DIPK1B: variants seen among roughly 807,000 people sequenced by gnomAD.
DIPK1B encodes the protein divergent protein kinase domain 1B.
DIPK1B carries 17 observed loss-of-function variants against 20.7 expected under a neutral mutation model. The ratio of observed to expected loss-of-function variants is 0.82; its 90% CI spans 0.56 to 1.23. The LOEUF is 1.23. Among genes scored for constraint, DIPK1B ranks in the 50% most tolerant of loss-of-function variants. The pLI, the probability that DIPK1B is intolerant of heterozygous loss-of-function variation, is 0.00. For synonymous variants in DIPK1B, 343 were observed against 276.5 expected (o/e 1.24, Z -2.39); for missense variants, 648 against 601.8 (o/e 1.08, Z -0.80).
rs370159211 is a variant in DIPK1B, at chr9:136,717,726, T to G, written c.198+15T>G. 3 of 1,610,346 alleles carry G rather than the reference T, an allele frequency of 1.9e-6. No individual in the cohort carries two copies. The African/African-American group carries it at 4.0e-5, about 22-fold the overall frequency. ...AGGTGGTCATTGTAAGTGTTGCTTGTGCGGGCTGGGGACTGGGCCGTGCCC... is the reference window on the plus strand; with the variant it reads ...AGGTGGTCATTGTAAGTGTTGCTTGGGCGGGCTGGGGACTGGGCCGTGCCC... On this transcript the variant is annotated intron_variant, in intron 2 of 4. Transcript: ENST00000371692.
Position 136,722,299 on chromosome 9 carries a change from A to T in DIPK1B, c.481A>T (p.Lys161Ter). The T allele has an allele frequency of 1.2e-6, 2 of 1,611,440 alleles. No individual in the cohort carries two copies. The highest frequency in any genetic ancestry group is 1.7e-6 in the Non-Finnish European group (2 of 1,178,888). The change falls in exon 4 of 5, where the codon AAG becomes TAG. Residue 161 changes from lysine to a stop codon, truncating the protein, a stop_gained and splice_region_variant. Transcript: ENST00000371692. LOFTEE classifies it low-confidence loss of function (END_TRUNC). ...CCGGGAGATGACCCTCAGCTTCCTC[A>T]AGGTCAGGCAGCTCTCCTAGGGGGC... ...EFREMTLSFL[K>*]ANLGDLPSLP...
intron 2 of DIPK1B, 179 bp from the exon 3 acceptor site, chr9:136,721,742 G>C: frequency 1.6e-6 from 1 of 610,276 alleles, no homozygotes; most frequent in Non-Finnish European, 2.9e-6. Context: ...GCAGCCGACA[G>C]CCCCATCCTG....
Position 136,723,019 on chromosome 9 carries a change from G to A in DIPK1B, c.541G>A (p.Ala181Thr). Residue 181 changes from alanine to threonine, a missense_variant, in exon 5 of 5, where the codon GCT becomes ACT. Physicochemically the swap from Ala to Thr is moderately conservative, Grantham distance 58. Coordinates refer to ENST00000371692, the MANE Select transcript of DIPK1B (RefSeq NM_152421.4). ...GCTGGTTGGCCAGGTCCTGCTCATG[G>A]CTGACTTCAACAAGGACAACCGGGT... ...PALVGQVLLM[A>T]DFNKDNRVSL... 1 of 1,613,354 alleles carries A rather than the reference G, an allele frequency of 6.2e-7. No individual in the cohort carries two copies. The highest frequency in any genetic ancestry group is 8.5e-7 in the Non-Finnish European group (1 of 1,179,968).
chr9:136,719,791 G>C (rs559111757), intron 2 of DIPK1B, among the ~76,000 whole-genome samples: 1 of 152,356 alleles, frequency 6.6e-6, no homozygotes, highest in African/African-American at 2.4e-5. Context: ...TGGCCCACAG[G>C]CTCCTTCCCC....
intron 4 of DIPK1B, 137 bp from the exon 5 acceptor site, chr9:136,722,824 TG>T: frequency 1.2e-6 from 1 of 827,694 alleles, no homozygotes; most frequent in Non-Finnish European, 1.8e-6. Context: ...CGTGTAGCTG[TG>T]GGCTGGGACC....
In DIPK1B at chr9:136,723,369, G is replaced by C; in HGVS notation, c.891G>C (p.Glu297Asp). Reference protein sequence around the residue: ...HGSYGTFYMCETTLANVGYTA... With the variant: ...HGSYGTFYMCDTTLANVGYTA... ...CTTACGGGACTTTCTACATGTGTGA[G>C]ACCACACTGGCCAACGTGGGCTACA... is the stretch of plus-strand genomic sequence containing the variant. Residue 297 changes from glutamate to aspartate, a missense_variant, in exon 5 of 5, where the codon GAG becomes GAC. Glu to Asp is a conservative substitution (Grantham distance 45). Coordinates refer to ENST00000371692, the MANE Select transcript of DIPK1B (RefSeq NM_152421.4). 1 of 1,613,368 alleles carries C rather than the reference G, an allele frequency of 6.2e-7. No homozygotes were observed. The highest frequency in any genetic ancestry group is 1.7e-5 in the Admixed American group (1 of 60,026).
In DIPK1B at chr9:136,712,991, C is replaced by A. The variant is rs2131038163; in HGVS notation, c.63+263C>A. ...CCCCGACCTGCAGGCGGTCCCTGCC[C>A]CCCAGGCCCAGAAACCACACCGAAG... is the stretch of plus-strand genomic sequence containing the variant. On this transcript the variant is annotated intron_variant, in intron 1 of 4. Coordinates refer to ENST00000371692, the MANE Select transcript of DIPK1B (RefSeq NM_152421.4). This position sits in a 1 kb window ranked among gnomAD's most constrained non-coding sequence, Gnocchi z 5.6. Among the ~76,000 whole-genome samples the A allele has an allele frequency of 6.6e-6, 1 of 152,314 alleles. No individual in the cohort carries two copies. The highest frequency in any genetic ancestry group is 2.4e-5 in the African/African-American group (1 of 41,586).
chr9:136,722,970 G>C lies in DIPK1B; in HGVS notation c.492G>C (p.Leu164=). The C allele has an allele frequency of 6.2e-7, 1 of 1,604,298 alleles. No individual in the cohort carries two copies. The highest frequency in any genetic ancestry group is 2.2e-5 in the East Asian group (1 of 44,602). ...EMTLSFLKAN[L]GDLPSLPALV... ...TTGGTCCCAAACGCCAGGCGAACCT[G>C]GGAGACCTGCCTTCCCTGCCGGCGC... Residue 164 remains leucine (L), a synonymous_variant, in exon 5 of 5, where the codon CTG becomes CTC. Coordinates refer to ENST00000371692, the MANE Select transcript of DIPK1B (RefSeq NM_152421.4).
chr9:136,720,470 TC>T (rs34679175), intron 2 of DIPK1B, among the ~76,000 whole-genome samples: 63 of 150,570 alleles, frequency 4.2e-4, no homozygotes, highest in Admixed American at 1.8e-3. Flanking sequence ...CCAGGAATTC[TC>T]CCCCCCCCAG....
Position 136,721,922 on chromosome 9 carries a change from G to A in DIPK1B, c.200G>A (p.Cys67Tyr). 1 of 1,613,144 alleles carries A rather than the reference G, an allele frequency of 6.2e-7. No individual in the cohort carries two copies. The highest frequency in any genetic ancestry group is 8.5e-7 in the Non-Finnish European group (1 of 1,179,878). Residue 67 changes from cysteine (C) to tyrosine (Y), a missense_variant and splice_region_variant, in exon 3 of 5, where the codon TGT becomes TAT. Physicochemically the swap from Cys to Tyr is radical, Grantham distance 194 (BLOSUM62 -2). Coordinates refer to ENST00000371692, the MANE Select transcript of DIPK1B (RefSeq NM_152421.4). ...GCACGCCTGCACCTGTCTCCTCAGT[G>A]TGACCAGTACCGCAAGGGGATCATC... ...CRGHVCQVVI[C>Y]DQYRKGIISG...
At position 136,722,685 on chromosome 9, in the gene DIPK1B, C is replaced by T; in HGVS notation, c.484-277C>T. 8.6e-6 allele frequency: 5 copies of T among 578,998 alleles called. No homozygotes were observed. The South Asian group carries it at 8.7e-5, about 10-fold the overall frequency. 35.9% of individuals were successfully genotyped at this position (578,998 alleles called of 1,614,324 possible). On this transcript the variant is annotated intron_variant, in intron 4 of 4. Transcript: ENST00000371692. Reference sequence around the variant, plus strand: ...CATCCTCAGGGAAGCTCTGAGGCTTCTCTGCCCAGGTGCCCACCCCCGAGC... The same window carrying T: ...CATCCTCAGGGAAGCTCTGAGGCTTTTCTGCCCAGGTGCCCACCCCCGAGC...
intron 2 of DIPK1B, 143 bp from the exon 3 acceptor site, chr9:136,721,778 C>T (rs1442980834): frequency 7.1e-6 from 5 of 704,612 alleles, no homozygotes; most frequent in East Asian, 2.7e-5. Context: ...TGACCCAGGG[C>T]CCCGGCACTG....
rs1846442416 is a variant in DIPK1B, at chr9:136,712,731, A to C, written c.63+3A>C. ...GCCCCTTCTCCAAGCGCCTGCAGGT[A>C]AGCGCGGTGCGCGCCCGCCGCCCCC... is the stretch of plus-strand genomic sequence containing the variant. On this transcript the variant is annotated splice_donor_region_variant and intron_variant, in intron 1 of 4. Transcript: ENST00000371692. The surrounding 1 kb of genome is among the most constrained non-coding windows in gnomAD (Gnocchi z 5.6). The C allele has an allele frequency of 7.4e-7, 1 of 1,346,452 alleles. No homozygotes were observed. The highest frequency in any genetic ancestry group is 9.5e-7 in the Non-Finnish European group (1 of 1,052,802). The allele number at this position is 1,346,452 out of a possible 1,614,324, so 83.4% of individuals were successfully genotyped here.
chr9:136,721,043 TGA>T (rs1331294878), intron 2 of DIPK1B: 5 of 152,292 alleles, frequency 3.3e-5, no homozygotes, highest in African/African-American at 1.2e-4. Flanking sequence ...GGATCTGTCG[TGA>T]GAGCCCCCAT....
rs1846652146 is a variant in DIPK1B, at chr9:136,723,498, C to T, written c.1020C>T (p.Cys340=). 11 of 1,607,284 alleles carry T rather than the reference C, an allele frequency of 6.8e-6. No individual in the cohort carries two copies. The highest frequency in any genetic ancestry group is 2.7e-5 in the African/African-American group (2 of 74,964). Residue 340 remains cysteine (C), a synonymous_variant, in exon 5 of 5, where the codon TGC becomes TGT. Coordinates refer to ENST00000371692, the MANE Select transcript of DIPK1B (RefSeq NM_152421.4). ...GCCGCTGCGAGCACAGCACCGACTGCACCTACGGGCGCGACTGCAGGGCCC... is the reference window on the plus strand; with the variant it reads ...GCCGCTGCGAGCACAGCACCGACTGTACCTACGGGCGCGACTGCAGGGCCC... ...QGRRCEHSTD[C]TYGRDCRAPC... is the part of the protein sequence containing the mutation.
In DIPK1B at chr9:136,723,890, C is replaced by G; in HGVS notation, c.*116C>G. 9.2e-7 allele frequency: 1 copy of G among 1,083,232 alleles called. No homozygotes were observed. The highest frequency in any genetic ancestry group is 1.3e-6 in the Non-Finnish European group (1 of 768,620). The allele number at this position is 1,083,232 out of a possible 1,614,324, so 67.1% of individuals were successfully genotyped here. ...AATGCAACTGTGTTGCAAAATCACT[C>G]CCCTACCGTCAGGGCTCTGGATTCC... On this transcript the variant is annotated 3_prime_UTR_variant, in exon 5 of 5. Transcript: ENST00000371692.
chr9:136,723,193 T>G lies in DIPK1B; in HGVS notation c.715T>G (p.Trp239Gly). 6.2e-7 allele frequency: 1 copy of G among 1,612,642 alleles called. No homozygotes were observed. Among genetic ancestry groups the G allele is most frequent in the Non-Finnish European group, 8.5e-7 (1 of 1,179,816 alleles). The change falls in exon 5 of 5, where the codon TGG (tryptophan) becomes GGG (glycine). Residue 239 changes from tryptophan to glycine, a missense_variant. By Grantham distance (184) the Trp-to-Gly change is radical. Coordinates refer to ENST00000371692, the MANE Select transcript of DIPK1B (RefSeq NM_152421.4). ...YLTEGVPHGA[W>G]HAAALPPLLR... ...CACCGAGGGCGTGCCGCATGGCGCC[T>G]GGCACGCGGCCGCCCTTCCACCCCT...
At position 136,724,569 on chromosome 9, in the gene DIPK1B, G is replaced by T. The variant is rs1467874983; in HGVS notation, c.*795G>T. 2.6e-5 allele frequency: 4 copies of T among 152,216 alleles called. No individual in the cohort carries two copies. The highest frequency in any genetic ancestry group is 9.7e-5 in the African/African-American group (4 of 41,436). The allele number at this position is 152,216 out of a possible 1,614,324, so 9.4% of individuals were successfully genotyped here. ...CTTTCTTCAGGGCGGGCTCTGCTCC[G>T]CAATGTGTGAGTCAAGACAATCCAT... On this transcript the variant is annotated 3_prime_UTR_variant, in exon 5 of 5. Transcript: ENST00000371692.
In DIPK1B at chr9:136,712,601, C is replaced by G. The variant is rs1318948298; in HGVS notation, c.-65C>G. On this transcript the variant is annotated 5_prime_UTR_variant, in exon 1 of 5. Transcript: ENST00000371692. The surrounding 1 kb of genome is among the most constrained non-coding windows in gnomAD (Gnocchi z 5.6). The stretch of plus-strand genomic sequence containing the variant: ...CGAGGGAGCGGCGGCCGCTGCGGGC[C>G]GGGCCGGGCCGGGGCTGAGGCCGAG... 1.3e-6 allele frequency: 1 copy of G among 778,158 alleles called. No individual in the cohort carries two copies. Among genetic ancestry groups the G allele is most frequent in the Non-Finnish European group, 1.6e-6 (1 of 642,458 alleles). The allele number at this position is 778,158 out of a possible 1,614,324, so 48.2% of individuals were successfully genotyped here. A position where few individuals can be genotyped will look rare whatever the true frequency, so the allele number is the denominator to read the frequency against.
Sources: gnomAD v4.1 joint callset for allele counts (sites outside exome capture counted in the v4.1 genomes callset) on GRCh38, gnomAD v4.1.1 for gene constraint, Gnocchi (gnomAD v3.1) non-coding constraint, MANE v1.5 for transcripts, NCBI Gene and HGNC (gene_info 2026-07-23, HGNC 2026-07-21) for gene names.